Variants in RORA observed in about 807,000 individuals in gnomAD.
The protein encoded by RORA is RAR related orphan receptor A.
A neutral mutation model predicts 69.5 loss-of-function variants in RORA; 7 were observed. The ratio of observed to expected loss-of-function variants is 0.10; its 90% CI spans 0.06 to 0.19. RORA has a LOEUF of 0.19. Among genes scored for constraint, RORA ranks in the 10% least tolerant of loss-of-function variants. The pLI, the probability that RORA is intolerant of heterozygous loss-of-function variation, is 1.00. For synonymous variants in RORA, 261 were observed against 240.8 expected, an observed-to-expected ratio of 1.08 and a Z score of -0.78; for missense variants, 457 against 663.0, an observed-to-expected ratio of 0.69 and a Z score of 3.41.
chr15:61,060,441 C>T (rs960412265), intron 1 of RORA, among the ~76,000 whole-genome samples: 3 of 152,180 alleles, frequency 2.0e-5, no homozygotes, highest in African/African-American at 7.2e-5. Context: ...AGAGCAGGCA[C>T]TTGCCATGGG....
chr15:60,884,077 T>C lies in RORA; in HGVS notation c.167-205391A>G, dbSNP rs557219712. ...AGTGGCCCCCACAGTATTGGAGGCATTGTGGCAGCCGTAGAGGCTGGAGGT... is the reference window on the plus strand; with the variant it reads ...AGTGGCCCCCACAGTATTGGAGGCACTGTGGCAGCCGTAGAGGCTGGAGGT... On this transcript the variant is annotated intron_variant, in intron 1 of 10. Coordinates refer to ENST00000335670, the MANE Select transcript of RORA (RefSeq NM_134261.3). Among the ~76,000 whole-genome samples the C allele has an allele frequency of 3.9e-5, 6 of 152,284 alleles. No individual in the cohort carries two copies. In the South Asian group the frequency reaches 8.3e-4, roughly 21 times the overall value.
intron 1 of RORA, among the ~76,000 whole-genome samples, chr15:61,124,783 C>T (rs1428784763): frequency 6.6e-6 from 1 of 152,198 alleles, no homozygotes; most frequent in Non-Finnish European, 1.5e-5. Flanking sequence ...GAACCCCTCT[C>T]TGAGCCTCAG....
chr15:60,790,209 A>G (rs952899011), intron 1 of RORA, among the ~76,000 whole-genome samples: 1 of 152,226 alleles, frequency 6.6e-6, no homozygotes, highest in African/African-American at 2.4e-5. Context: ...CACTTATTCC[A>G]TGGCAGATTC....
chr15:61,010,864 A>G (rs1159496423), intron 1 of RORA, among the ~76,000 whole-genome samples: 1 of 152,092 alleles, frequency 6.6e-6, no homozygotes, highest in Non-Finnish European at 1.5e-5. Context: ...CTTCCCTCCT[A>G]TTTCTACTTA....
At chr15:61,020,409 C>T (rs947237406) in intron 1 of RORA, among the ~76,000 whole-genome samples, 14 of 152,330 alleles carry the variant, frequency 9.2e-5, no homozygotes, top group African/African-American at 2.6e-4. Flanking sequence ...AGCCAGGATT[C>T]TAGTTCGGAA....
chr15:61,140,327 T>A (rs1210393726), intron 1 of RORA, among the ~76,000 whole-genome samples: 1 of 152,224 alleles, frequency 6.6e-6, no homozygotes, highest in African/African-American at 2.4e-5. Flanking sequence ...GGAATTATGT[T>A]GCCTGGTAGG....
intron 1 of RORA, among the ~76,000 whole-genome samples, chr15:61,054,861 G>A (rs1165490011): frequency 6.7e-6 from 1 of 148,406 alleles, no homozygotes; most frequent in African/African-American, 2.5e-5. Flanking sequence ...CAGTGAGGCA[G>A]CGTCTCACTC....
chr15:61,113,670 TAC>T (rs1234320741), intron 1 of RORA, among the ~76,000 whole-genome samples: 1 of 152,168 alleles, frequency 6.6e-6, no homozygotes, highest in Non-Finnish European at 1.5e-5. Flanking sequence ...TTTAAAATTC[TAC>T]ACACACACAT....
chr15:60,861,704 C>T (rs75522577), intron 1 of RORA, among the ~76,000 whole-genome samples: 104 of 152,250 alleles, frequency 6.8e-4, no homozygotes, highest in Non-Finnish European at 1.3e-3. Flanking sequence ...TTCCAAGGAA[C>T]GAGATGTCCC....
At position 60,981,199 on chromosome 15, in the gene RORA, T is replaced by C. The variant is rs541322038; in HGVS notation, c.166+247854A>G. On this transcript the variant is annotated intron_variant, in intron 1 of 10. Coordinates refer to ENST00000335670, the MANE Select transcript of RORA (RefSeq NM_134261.3). ...ATAATTTTACTGAGGATTTCTTCTATATAATAAGTTGCTTCTCTCTTACTG... is the reference window on the plus strand; with the variant it reads ...ATAATTTTACTGAGGATTTCTTCTACATAATAAGTTGCTTCTCTCTTACTG... Among the ~76,000 whole-genome samples, 6 of 152,178 alleles carry C rather than the reference T, an allele frequency of 3.9e-5. No homozygotes were observed. In the South Asian group the frequency reaches 1.0e-3, roughly 26 times the overall value.
At chr15:60,844,341 G>A (rs576920766) in intron 1 of RORA, among the ~76,000 whole-genome samples, 1 of 152,168 alleles carries the variant, frequency 6.6e-6, no homozygotes, top group African/African-American at 2.4e-5. Context: ...AAACTACACA[G>A]AAATGCATCT....
At chr15:60,889,355 G>A (rs117826464) in intron 1 of RORA, among the ~76,000 whole-genome samples, 10 of 147,006 alleles carry the variant, frequency 6.8e-5, no homozygotes, top group South Asian at 4.3e-4. Context: ...TGGGGCGGGG[G>A]GGGGGGGAAG....
chr15:60,828,652 C>T lies in RORA; in HGVS notation c.167-149966G>A, dbSNP rs116998139. Among the ~76,000 whole-genome samples, 46 of 152,266 alleles carry T rather than the reference C, an allele frequency of 3.0e-4. No individual in the cohort carries two copies. In the East Asian group the frequency reaches 8.9e-3, roughly 29 times the overall value. On this transcript the variant is annotated intron_variant, in intron 1 of 10. Coordinates refer to ENST00000335670, the MANE Select transcript of RORA (RefSeq NM_134261.3). ...AGAAAGCTCCTGGGAGGCACTGGGG[C>T]AGAAACCATACGGGATATTTCTTTA...
intron 1 of RORA, among the ~76,000 whole-genome samples, chr15:60,701,565 C>T (rs578026452): frequency 6.6e-6 from 1 of 152,302 alleles, no homozygotes; most frequent in African/African-American, 2.4e-5. Flanking sequence ...CATTCACTAG[C>T]TCAATCACTC....
chr15:61,018,999 CCTCT>C (rs1895407752), intron 1 of RORA, among the ~76,000 whole-genome samples: 2 of 152,186 alleles, frequency 1.3e-5, no homozygotes, highest in Admixed American at 1.3e-4. Context: ...GCTCTATTCC[CCTCT>C]GAGTTTTCTT....
At chr15:60,977,444 G>A (rs925950690) in intron 1 of RORA, among the ~76,000 whole-genome samples, 3 of 151,818 alleles carry the variant, frequency 2.0e-5, no homozygotes, top group South Asian at 2.1e-4. Flanking sequence ...TGAAAAGAAA[G>A]GTTTTCCTGT....
chr15:60,946,316 G>T (rs373879819), intron 1 of RORA, among the ~76,000 whole-genome samples: 4 of 152,076 alleles, frequency 2.6e-5, no homozygotes, highest in East Asian at 3.9e-4. Context: ...CTCTGATGAC[G>T]AGCCGAAGCG....
intron 2 of RORA, among the ~76,000 whole-genome samples, chr15:60,626,217 G>A (rs546544451): frequency 6.6e-6 from 1 of 152,276 alleles, no homozygotes; most frequent in Admixed American, 6.5e-5. Context: ...CCCACAAGCT[G>A]CACCAGTCAC....
At chr15:61,117,178 C>CCTT (rs2079058077) in intron 1 of RORA, among the ~76,000 whole-genome samples, 1 of 138,402 alleles carries the variant, frequency 7.2e-6, no homozygotes, top group Admixed American at 7.2e-5. Context: ...TTAAAAGTTA[C>CCTT]TTTTTTTTTT....
Sources: gnomAD v4.1 joint callset for allele counts (sites outside exome capture counted in the v4.1 genomes callset) on GRCh38, gnomAD v4.1.1 for gene constraint, MANE v1.5 for transcripts, NCBI Gene and HGNC (gene_info 2026-07-23, HGNC 2026-07-21) for gene names.